The following GALNT9 variants were observed in gnomAD, a reference collection of about 807,000 sequenced individuals.
GALNT9 encodes the protein GalNAc transferase 9.
A neutral mutation model predicts 63.1 loss-of-function variants in GALNT9; 47 were observed. That is an observed-to-expected ratio of 0.75 (90% CI 0.59 to 0.95). The LOEUF (loss-of-function observed/expected upper bound fraction) is 0.95, where lower values mean the gene tolerates loss of function less well. Among genes scored for constraint, GALNT9 ranks in the 40% least tolerant of loss-of-function variants. GALNT9 has a pLI of 0.00. For missense variants in GALNT9, 829 were observed against 874.8 expected, an observed-to-expected ratio of 0.95 and a Z score of 0.66; for synonymous variants, 396 against 365.7, an observed-to-expected ratio of 1.08 and a Z score of -0.94.
chr12:132,314,321 G>A (rs1868405032), intron 1 of GALNT9, among the ~76,000 whole-genome samples: 1 of 151,614 alleles, frequency 6.6e-6, no homozygotes, highest in African/African-American at 2.4e-5. Context: ...TCCAAATCCT[G>A]CCCCACTTGA....
chr12:132,256,911 C>T (rs1271023957), intron 5 of GALNT9, among the ~76,000 whole-genome samples: 2 of 152,262 alleles, frequency 1.3e-5, no homozygotes, highest in Admixed American at 1.3e-4. Flanking sequence ...GTGGGGAGCA[C>T]ATTTCATGAG....
intron 1 of GALNT9, among the ~76,000 whole-genome samples, chr12:132,311,286 C>T (rs1364983453): frequency 6.6e-6 from 1 of 152,084 alleles, no homozygotes; most frequent in Non-Finnish European, 1.5e-5. Flanking sequence ...GAAAACTCTC[C>T]CTCCGTAAAC....
Position 132,329,403 on chromosome 12 carries a change from C to T in GALNT9, c.-200G>A. 1 of 649,984 alleles carries T rather than the reference C, an allele frequency of 1.5e-6. No homozygotes were observed. Among genetic ancestry groups the T allele is most frequent in the Non-Finnish European group, 2.1e-6 (1 of 465,892 alleles). The allele number at this position is 649,984 out of a possible 1,614,324, so 40.3% of individuals were successfully genotyped here. A position where few individuals can be genotyped will look rare whatever the true frequency, so the allele number is the denominator to read the frequency against. ...GGGTCCCCCAGAGCGCAGAGGGCTGCCCGGGGCTGGGGTCGCGGGGCGCGG... is the reference window on the plus strand; with the variant it reads ...GGGTCCCCCAGAGCGCAGAGGGCTGTCCGGGGCTGGGGTCGCGGGGCGCGG... On this transcript the variant is annotated 5_prime_UTR_variant, in exon 1 of 11. Transcript: ENST00000328957.
chr12:132,300,611 C>T (rs1248372024), intron 1 of GALNT9, among the ~76,000 whole-genome samples: 3 of 135,916 alleles, frequency 2.2e-5, no homozygotes, highest in Admixed American at 7.6e-5. Context: ...CTGAGATAAC[C>T]CACTCCCATG....
In GALNT9 at chr12:132,199,215, C is replaced by G; in HGVS notation, c.1456G>C (p.Asp486His). The G allele has an allele frequency of 2.5e-6, 4 of 1,603,994 alleles. No homozygotes were observed. Among genetic ancestry groups the G allele is most frequent in the Non-Finnish European group, 3.4e-6 (4 of 1,179,442 alleles). Reference protein sequence around the residue: ...YCLDQGAEDGDRAILYPCHGM... With the variant: ...YCLDQGAEDGHRAILYPCHGM... ...TGGCAGGGGTAGAGGATCGCCCGGT[C>G]GCCGTCCTCCGCTCCCTGGTCCAGA... Residue 486 changes from aspartate to histidine, a missense_variant, in exon 9 of 11, where the codon GAC (aspartate) becomes CAC (histidine). Physicochemically the swap from Asp to His is moderately conservative, Grantham distance 81. Transcript: ENST00000328957.
chr12:132,285,171 G>A (rs1880539848), intron 2 of GALNT9, among the ~76,000 whole-genome samples: 1 of 152,218 alleles, frequency 6.6e-6, no homozygotes, highest in African/African-American at 2.4e-5. Context: ...CCCTCCCTCA[G>A]GCAGCTCCAG....
rs375426489 is a variant in GALNT9, at chr12:132,210,985, T to TCA, written c.1078-7297_1078-7296dup. On this transcript the variant is annotated intron_variant, in intron 6 of 10. Transcript: ENST00000328957. ...AAACCATCACACTTGAGAGGTGCGC[T>TCA]CAGCAAATCCATGAGATGCACCAAA... is the stretch of plus-strand genomic sequence containing the variant. Among the ~76,000 whole-genome samples the TCA allele has an allele frequency of 3.9e-3, 590 of 151,984 alleles. 5 individuals carry two copies. Among genetic ancestry groups the TCA allele is most frequent in the African/African-American group, 0.013 (554 of 41,434 alleles).
At chr12:132,239,377 G>C (rs1341610259) in intron 6 of GALNT9, among the ~76,000 whole-genome samples, 5 of 150,986 alleles carry the variant, frequency 3.3e-5, no homozygotes, top group African/African-American at 1.2e-4. Context: ...GACACACAGA[G>C]ACAGAGACAC....
intron 8 of GALNT9, 63 bp downstream of exon 8, chr12:132,201,061 C>G: frequency 6.8e-7 from 1 of 1,476,232 alleles, no homozygotes; most frequent in South Asian, 1.3e-5. Context: ...TGAATGCATA[C>G]GTGTGCAGGA....
rs946169630 is a variant in GALNT9, at chr12:132,197,834, C to G, written c.1623G>C (p.Glu541Asp). The G allele has an allele frequency of 2.5e-6, 4 of 1,604,356 alleles. No homozygotes were observed. Among genetic ancestry groups the G allele is most frequent in the Non-Finnish European group, 3.4e-6 (4 of 1,176,704 alleles). The change falls in exon 10 of 11, where the codon GAG becomes GAC. Residue 541 changes from glutamate to aspartate, a missense_variant. Transcript: ENST00000328957. Reference sequence around the variant, plus strand: ...GCCGCTGTGTTGGCCGCGCCACATCCTCACACTTCTTCAGGGTGGGCATGC... The same window carrying G: ...GCCGCTGTGTTGGCCGCGCCACATCGTCACACTTCTTCAGGGTGGGCATGC... ...TGRMPTLKKC[E>D]DVARPTQRLW... is the part of the protein sequence containing the mutation.
rs1555245633 is a variant in GALNT9, at chr12:132,315,494, A to T, written c.238+13472T>A. The stretch of plus-strand genomic sequence containing the variant: ...CCCGTCTGTTCTTTTCTGACTTAGA[A>T]ATAAAATCAGGGCTTGCTGGGTTTC... On this transcript the variant is annotated intron_variant, in intron 1 of 10. Transcript: ENST00000328957. The surrounding 1 kb of genome is among the most constrained non-coding windows in gnomAD (Gnocchi z 6.1). Among the ~76,000 whole-genome samples the T allele has an allele frequency of 6.6e-6, 1 of 152,242 alleles. No individual in the cohort carries two copies. Among genetic ancestry groups the T allele is most frequent in the African/African-American group, 2.4e-5 (1 of 41,458 alleles).
At chr12:132,199,802 C>T in intron 8 of GALNT9, among the ~76,000 whole-genome samples, 1 of 152,170 alleles carries the variant, frequency 6.6e-6, no homozygotes, top group Non-Finnish European at 1.5e-5. Flanking sequence ...GAGATCAGCA[C>T]AGCCTGGATC....
intron 1 of GALNT9, among the ~76,000 whole-genome samples, chr12:132,297,440 G>A (rs556260722): frequency 1.0e-4 from 14 of 136,332 alleles, no homozygotes; most frequent in South Asian, 4.8e-4. Context: ...CAATAAAGCC[G>A]CTCCCGAGAT....
chr12:132,322,110 G>C lies in GALNT9; in HGVS notation c.238+6856C>G, dbSNP rs540468163. Among the ~76,000 whole-genome samples the C allele has an allele frequency of 4.4e-4, 67 of 152,320 alleles. No individual in the cohort carries two copies. The South Asian group carries it at 9.7e-3, about 22-fold the overall frequency. ...CATCTTATCTAATTACTTCTGCAAA[G>C]ACCCTGTTTCTAAATAAGCCACATT... On this transcript the variant is annotated intron_variant, in intron 1 of 10. Transcript: ENST00000328957.
intron 1 of GALNT9, among the ~76,000 whole-genome samples, chr12:132,288,317 C>A (rs1880681425): frequency 6.6e-6 from 1 of 152,230 alleles, no homozygotes; most frequent in East Asian, 1.9e-4. Context: ...AACAAAGTGT[C>A]CGTATTTATG....
intron 8 of GALNT9, among the ~76,000 whole-genome samples, chr12:132,199,843 CT>C (rs79071547): frequency 0.2 from 30,225 of 152,124 alleles, 3,021 homozygotes; most frequent in Middle Eastern, 0.31. Flanking sequence ...GTGGCCCCGG[CT>C]CGTGAGCAAG....
intron 6 of GALNT9, among the ~76,000 whole-genome samples, chr12:132,221,331 G>A (rs1183066605): frequency 5.3e-5 from 5 of 93,904 alleles, no homozygotes; most frequent in Admixed American, 3.1e-4. Flanking sequence ...CCAGCCTGGC[G>A]ACAGAGTGAG....
At chr12:132,320,134 G>A (rs1184292546) in intron 1 of GALNT9, among the ~76,000 whole-genome samples, 12 of 152,260 alleles carry the variant, frequency 7.9e-5, no homozygotes, top group African/African-American at 2.9e-4. Flanking sequence ...CCCCAAGTCC[G>A]TGTGGGTACA....
intron 5 of GALNT9, among the ~76,000 whole-genome samples, chr12:132,251,088 C>T (rs983057589): frequency 7.9e-5 from 12 of 152,208 alleles, no homozygotes; most frequent in South Asian, 2.1e-4. Flanking sequence ...ACTGAAACCT[C>T]GCCGTGCAAG....
Sources: allele counts gnomAD v4.1 joint callset (sites outside exome capture counted in the v4.1 genomes callset), GRCh38; gene constraint gnomAD v4.1.1; non-coding constraint Gnocchi (gnomAD v3.1); transcripts MANE v1.5; gene names NCBI Gene and HGNC (gene_info 2026-07-23, HGNC 2026-07-21).